The following MAML2 variants were observed in gnomAD, a reference collection of about 807,000 sequenced individuals.
MAML2 encodes mastermind like transcriptional coactivator 2, also known as mastermind-like protein 2.
In MAML2, 22 loss-of-function variants were observed where a neutral mutation model predicts 96.1. That is an observed-to-expected ratio of 0.23 (90% CI 0.16 to 0.33). The LOEUF is 0.33. Among genes scored for constraint, MAML2 ranks in the 10% least tolerant of loss-of-function variants. The pLI, the probability that MAML2 is intolerant of heterozygous loss-of-function variation, is 1.00. For missense variants in MAML2, 1,367 were observed against 1,392.4 expected (o/e 0.98, Z 0.29); for synonymous variants, 561 against 521.3 (o/e 1.08, Z -1.04).
chr11:96,107,988 G>A lies in MAML2; in HGVS notation c.514-14471C>T, dbSNP rs569220038. On this transcript the variant is annotated intron_variant, in intron 1 of 4. Coordinates refer to ENST00000524717, the MANE Select transcript of MAML2 (RefSeq NM_032427.4). ...TGTTAAGTGTTTCCCTGAGTTCTAC[G>A]AGCTACTCTAGCAAATGAATCAAAC... Among the ~76,000 whole-genome samples, 56 of 152,174 alleles carry A rather than the reference G, an allele frequency of 3.7e-4. 1 individual carries two copies. In the South Asian group the frequency reaches 0.011, roughly 29 times the overall value.
chr11:96,162,236 C>T lies in MAML2; in HGVS notation c.514-68719G>A, dbSNP rs1249631750. ...ATATCCAGTTCTTTACATGCAGAAT[C>T]AGGTCTGACTTTTTTTTTTTTTTTA... On this transcript the variant is annotated intron_variant, in intron 1 of 4. Transcript: ENST00000524717. Among the ~76,000 whole-genome samples the T allele has an allele frequency of 2.9e-5, 3 of 105,260 alleles. No homozygotes were observed. In the Admixed American group the frequency reaches 3.1e-4, roughly 11 times the overall value. The allele number at this position is 105,260 out of a possible 152,430, so 69.1% of individuals were successfully genotyped here.
intron 2 of MAML2, 32 bp downstream of exon 2, chr11:96,091,860 G>A (rs770306985): frequency 6.3e-7 from 1 of 1,593,634 alleles, no homozygotes; most frequent in Non-Finnish European, 8.5e-7. Context: ...TGGTCTCTGG[G>A]AACTCTGTAT....
At position 96,064,088 on chromosome 11, in the gene MAML2, C is replaced by A. The variant is rs16923010; in HGVS notation, c.2139+27804G>T. Among the ~76,000 whole-genome samples the A allele has an allele frequency of 3.8e-3, 575 of 152,322 alleles. 14 individuals carry two copies. The East Asian group carries it at 0.06, about 16-fold the overall frequency. Reference sequence around the variant, plus strand: ...TTCTAACTCTATTTTCCTGAAGATACATGATTCAGTGTAATGCCAGGTTAG... The same window carrying A: ...TTCTAACTCTATTTTCCTGAAGATAAATGATTCAGTGTAATGCCAGGTTAG... On this transcript the variant is annotated intron_variant, in intron 2 of 4. Transcript: ENST00000524717.
intron 1 of MAML2, among the ~76,000 whole-genome samples, chr11:96,278,511 A>G (rs1348530768): frequency 6.6e-6 from 1 of 152,222 alleles, no homozygotes; most frequent in Non-Finnish European, 1.5e-5. Context: ...ATGATGGATT[A>G]TAAGACATTA....
At chr11:96,280,112 C>T (rs964162683) in intron 1 of MAML2, among the ~76,000 whole-genome samples, 2 of 152,116 alleles carry the variant, frequency 1.3e-5, no homozygotes, top group African/African-American at 4.8e-5. Flanking sequence ...TCTTTTATTC[C>T]AGGTGTGAAC....
At chr11:96,321,723 G>A (rs1223766039) in intron 1 of MAML2, among the ~76,000 whole-genome samples, 1 of 152,162 alleles carries the variant, frequency 6.6e-6, no homozygotes, top group Non-Finnish European at 1.5e-5. Flanking sequence ...CCTTCTTTGA[G>A]CCATTCTGTT....
chr11:96,250,520 G>C (rs1356846231), intron 1 of MAML2, among the ~76,000 whole-genome samples: 1 of 152,116 alleles, frequency 6.6e-6, no homozygotes, highest in African/African-American at 2.4e-5. Context: ...CTGTAATTTT[G>C]TATCATTTAA....
intron 2 of MAML2, among the ~76,000 whole-genome samples, chr11:96,066,603 T>G (rs1011365393): frequency 6.6e-6 from 1 of 152,208 alleles, no homozygotes; most frequent in African/African-American, 2.4e-5. Context: ...TTGAATCCCA[T>G]AGGAATGAAT....
At chr11:96,190,074 A>T (rs1426913766) in intron 1 of MAML2, among the ~76,000 whole-genome samples, 2 of 152,252 alleles carry the variant, frequency 1.3e-5, no homozygotes, top group Non-Finnish European at 2.9e-5. Flanking sequence ...AAAAGCCAAC[A>T]TGGATGAAGA....
intron 1 of MAML2, among the ~76,000 whole-genome samples, chr11:96,252,923 G>T (rs1011887151): frequency 1.6e-4 from 24 of 152,194 alleles, no homozygotes; most frequent in Admixed American, 1.6e-3. Context: ...GTTAAAGGGC[G>T]TAATGGGATC....
intron 1 of MAML2, among the ~76,000 whole-genome samples, chr11:96,137,396 C>T (rs760783051): frequency 6.6e-5 from 10 of 152,144 alleles, no homozygotes; most frequent in South Asian, 4.1e-4. Flanking sequence ...TCAAAAGAAG[C>T]AAATCTGACT....
intron 1 of MAML2, among the ~76,000 whole-genome samples, chr11:96,330,684 G>A (rs187490793): frequency 5.0e-4 from 76 of 152,318 alleles, no homozygotes; most frequent in Non-Finnish European, 9.3e-4. Flanking sequence ...CTTGTGTGTG[G>A]GCAGTTGGTG....
At chr11:96,167,428 G>C (rs1861212360) in intron 1 of MAML2, among the ~76,000 whole-genome samples, 1 of 152,146 alleles carries the variant, frequency 6.6e-6, no homozygotes, top group African/African-American at 2.4e-5. Context: ...TCCCATCAGA[G>C]AAATCTGATA....
chr11:96,045,624 C>G (rs1858884588), intron 2 of MAML2, among the ~76,000 whole-genome samples: 1 of 152,116 alleles, frequency 6.6e-6, no homozygotes, highest in Admixed American at 6.5e-5. Context: ...TGGGCTGAAC[C>G]AAAATTCTTT....
At chr11:96,123,763 G>A (rs935202945) in intron 1 of MAML2, among the ~76,000 whole-genome samples, 4 of 151,982 alleles carry the variant, frequency 2.6e-5, no homozygotes, top group Admixed American at 6.6e-5. Context: ...GGAGGACATC[G>A]GCTTCACAGA....
At chr11:96,183,704 C>T (rs1861527771) in intron 1 of MAML2, among the ~76,000 whole-genome samples, 1 of 152,096 alleles carries the variant, frequency 6.6e-6, no homozygotes, top group Non-Finnish European at 1.5e-5. Flanking sequence ...GCCACCACAC[C>T]CAGCCCATTT....
intron 1 of MAML2, among the ~76,000 whole-genome samples, chr11:96,313,549 A>T (rs1327898051): frequency 6.6e-6 from 1 of 152,138 alleles, no homozygotes; most frequent in Non-Finnish European, 1.5e-5. Flanking sequence ...CCATTCTTCA[A>T]ACTGACTTTT....
At chr11:96,144,090 A>T (rs1860775907) in intron 1 of MAML2, among the ~76,000 whole-genome samples, 1 of 152,206 alleles carries the variant, frequency 6.6e-6, no homozygotes, top group Non-Finnish European at 1.5e-5. Context: ...TCATGGCTGG[A>T]AGTATGACAT....
chr11:96,088,939 A>C (rs953254830), intron 2 of MAML2, among the ~76,000 whole-genome samples: 1 of 152,106 alleles, frequency 6.6e-6, no homozygotes, highest in Non-Finnish European at 1.5e-5. Flanking sequence ...CAACTGATCA[A>C]CAAATTTAGT....
Sources: gnomAD v4.1 joint callset for allele counts (sites outside exome capture counted in the v4.1 genomes callset) on GRCh38, gnomAD v4.1.1 for gene constraint, MANE v1.5 for transcripts, NCBI Gene and HGNC (gene_info 2026-07-23, HGNC 2026-07-21) for gene names.